Variants in KCNN2 observed in about 807,000 individuals in gnomAD.
The protein encoded by KCNN2 is potassium calcium-activated channel subfamily N member 2.
In KCNN2, 24 loss-of-function variants were observed where a neutral mutation model predicts 55.5. The ratio of observed to expected loss-of-function variants is 0.43; its 90% CI spans 0.31 to 0.61. KCNN2 has a LOEUF of 0.61. Among genes scored for constraint, KCNN2 ranks in the 20% least tolerant of loss-of-function variants. The probability of loss-of-function intolerance (pLI) is 0.08; values close to 1 mark genes in which losing one functional copy is unlikely to be tolerated. For synonymous variants in KCNN2, 431 were observed against 336.1 expected (o/e 1.28, Z -3.09); for missense variants, 754 against 853.6 (o/e 0.88, Z 1.45).
intron 2 of KCNN2, among the ~76,000 whole-genome samples, chr5:114,333,740 A>G (rs1756870289): frequency 6.6e-6 from 1 of 152,182 alleles, no homozygotes. Flanking sequence ...GGGTTAAGGA[A>G]AACTATATTT....
At chr5:114,126,240 A>C (rs1580535953) in intron 1 of KCNN2, among the ~76,000 whole-genome samples, 1 of 152,248 alleles carries the variant, frequency 6.6e-6, no homozygotes, top group Non-Finnish European at 1.5e-5. Flanking sequence ...TTGCTGAATA[A>C]GGTCACTATA....
chr5:114,146,073 C>A (rs1413578879), intron 1 of KCNN2, among the ~76,000 whole-genome samples: 3 of 152,106 alleles, frequency 2.0e-5, no homozygotes, highest in Admixed American at 6.6e-5. Flanking sequence ...GAAACACAAG[C>A]ATAGCCTCTT....
intron 2 of KCNN2, among the ~76,000 whole-genome samples, chr5:114,364,703 T>C (rs1034871912): frequency 6.6e-6 from 1 of 151,966 alleles, no homozygotes; most frequent in African/African-American, 2.4e-5. Flanking sequence ...CAGAATGCTC[T>C]ATAAAACTTA....
At chr5:114,415,299 A>G (rs1292251358) in intron 3 of KCNN2, among the ~76,000 whole-genome samples, 1 of 152,188 alleles carries the variant, frequency 6.6e-6, no homozygotes, top group Non-Finnish European at 1.5e-5. Context: ...AATTCTCTGG[A>G]TGAACTTGTT....
intron 1 of KCNN2, among the ~76,000 whole-genome samples, chr5:114,134,273 C>T (rs193193145): frequency 5.3e-5 from 8 of 151,006 alleles, no homozygotes; most frequent in South Asian, 2.1e-4. Flanking sequence ...AAAAGCCATA[C>T]GCTTGGCCCT....
intron 2 of KCNN2, among the ~76,000 whole-genome samples, chr5:114,238,639 A>T (rs561958663): frequency 6.6e-6 from 1 of 152,210 alleles, no homozygotes; most frequent in South Asian, 2.1e-4. Flanking sequence ...AAAAAAAAAA[A>T]AGGATTATTG....
chr5:114,477,171 A>C (rs950706993), intron 5 of KCNN2, among the ~76,000 whole-genome samples: 1 of 152,182 alleles, frequency 6.6e-6, no homozygotes, highest in Admixed American at 6.5e-5. Context: ...GATGGTTAAC[A>C]GGAGTAATAG....
chr5:114,390,462 G>A (rs958110613), intron 2 of KCNN2, among the ~76,000 whole-genome samples: 2 of 152,126 alleles, frequency 1.3e-5, no homozygotes, highest in South Asian at 4.1e-4. Context: ...TCTACCTGAA[G>A]TTAGTTAAGG....
At chr5:114,085,525 G>T (rs569503640) in intron 1 of KCNN2, among the ~76,000 whole-genome samples, 1 of 151,718 alleles carries the variant, frequency 6.6e-6, no homozygotes, top group Non-Finnish European at 1.5e-5. Context: ...ATTCACTTTT[G>T]TATATAACCT....
intron 1 of KCNN2, among the ~76,000 whole-genome samples, chr5:114,166,142 G>C (rs974628439): frequency 1.3e-5 from 2 of 151,748 alleles, no homozygotes; most frequent in African/African-American, 4.8e-5. Flanking sequence ...CACCCTCCTC[G>C]GCCTCCCAAA....
At position 114,496,011 on chromosome 5, in the gene KCNN2, C is replaced by A. The variant is rs773852481; in HGVS notation, c.2205C>A (p.Ala735=). Residue 735 remains alanine, a synonymous_variant, in exon 8 of 8, where the codon GCC becomes GCA. Transcript: ENST00000673685. ...AGACTTTGATTGGTAGCATCCACGCCCTCCCTGGGCTCATAAGCCAGACCA... is the reference window on the plus strand; with the variant it reads ...AGACTTTGATTGGTAGCATCCACGCACTCCCTGGGCTCATAAGCCAGACCA... ...KLETLIGSIH[A]LPGLISQTIR... is the part of the protein sequence containing the mutation. The A allele has an allele frequency of 6.2e-7, 1 of 1,614,032 alleles. No homozygotes were observed. The highest frequency in any genetic ancestry group is 8.5e-7 in the Non-Finnish European group (1 of 1,179,974).
intron 3 of KCNN2, among the ~76,000 whole-genome samples, chr5:114,437,394 A>G (rs1486301988): frequency 6.6e-6 from 1 of 152,090 alleles, no homozygotes; most frequent in African/African-American, 2.4e-5. Context: ...GACATTTTAG[A>G]AATTTTAATT....
intron 1 of KCNN2, among the ~76,000 whole-genome samples, chr5:114,079,997 C>G (rs1055590818): frequency 6.6e-6 from 1 of 152,112 alleles, no homozygotes. Context: ...CCCTCTTACT[C>G]TCCTGAGTTT....
At chr5:114,144,820 G>T (rs985089900) in intron 1 of KCNN2, among the ~76,000 whole-genome samples, 2 of 132,702 alleles carry the variant, frequency 1.5e-5, no homozygotes, top group African/African-American at 5.6e-5. Context: ...GGGGTGGGGG[G>T]AATAGGTTGT....
At chr5:114,062,771 A>G (rs1247037288) in intron 1 of KCNN2, among the ~76,000 whole-genome samples, 2 of 152,210 alleles carry the variant, frequency 1.3e-5, no homozygotes, top group African/African-American at 4.8e-5. Context: ...AAGACCTCAC[A>G]TGTAGTTATT....
At chr5:114,258,847 C>T (rs1755040133) in intron 2 of KCNN2, among the ~76,000 whole-genome samples, 1 of 152,194 alleles carries the variant, frequency 6.6e-6, no homozygotes, top group Non-Finnish European at 1.5e-5. Flanking sequence ...CACAGCTTTT[C>T]AGCTTTTCTG....
rs1242600338 is a variant in KCNN2, at chr5:114,362,558, G to GGCAGCAGTACGC, written c.428_439dup (p.Tyr143_Gln146dup). The GGCAGCAGTACGC allele has an allele frequency of 1.2e-4, 72 of 613,214 alleles. No individual in the cohort carries two copies. The highest frequency in any genetic ancestry group is 4.7e-4 in the African/African-American group (24 of 50,706). The allele number at this position is 613,214 out of a possible 1,614,324, so 38.0% of individuals were successfully genotyped here. A position where few individuals can be genotyped will look rare whatever the true frequency, so the allele number is the denominator to read the frequency against. On this transcript the variant is annotated inframe_insertion, in exon 1 of 8. Coordinates refer to ENST00000673685, the MANE Select transcript of KCNN2 (RefSeq NM_021614.4). ...CCGTCCAGCCATGCCAGTGCGCTCC[G>GGCAGCAGTACGC]GCAGCAGTACGCGCAGCAGTCCGCG...
intron 3 of KCNN2, among the ~76,000 whole-genome samples, chr5:114,428,276 A>G (rs767284894): frequency 6.6e-6 from 1 of 152,194 alleles, no homozygotes; most frequent in Admixed American, 6.5e-5. Flanking sequence ...ATGTGTTTTA[A>G]TAACAAATAG....
Position 114,496,123 on chromosome 5 carries a change from T to C in KCNN2, c.2317T>C (p.Ser773Pro). The C allele has an allele frequency of 6.2e-7, 1 of 1,614,042 alleles. No homozygotes were observed. The highest frequency in any genetic ancestry group is 8.5e-7 in the Non-Finnish European group (1 of 1,179,974). The stretch of plus-strand genomic sequence containing the variant: ...TTACAATGCTGAGCGGTCCCGGTCC[T>C]CGTCCAGGAGGCGGCGGTCCTCTTC... Reference protein sequence around the residue: ...VTYNAERSRSSSRRRRSSSTA... With the variant: ...VTYNAERSRSPSRRRRSSSTA... The change falls in exon 8 of 8, where the codon TCG (serine) becomes CCG (proline). Residue 773 changes from serine to proline, a missense_variant. By Grantham distance (74) the Ser-to-Pro change is moderately conservative. This residue lies in a region of KCNN2 where 164 missense variants were observed against 156.6 expected (regional missense o/e 1.05). Transcript: ENST00000673685.
Sources: allele counts gnomAD v4.1 joint callset (sites outside exome capture counted in the v4.1 genomes callset), GRCh38; gene constraint gnomAD v4.1.1; regional missense constraint gnomAD v4.1.1; transcripts MANE v1.5; gene names NCBI Gene and HGNC (gene_info 2026-07-23, HGNC 2026-07-21).